Variants in CGNL1 observed in about 807,000 individuals in gnomAD.
CGNL1 encodes cingulin-like protein 1.
Under a neutral mutation model 141.2 loss-of-function variants are expected in CGNL1, and 132 were observed. The ratio of observed to expected loss-of-function variants is 0.93; its 90% CI spans 0.81 to 1.08. CGNL1 has a LOEUF of 1.08. Among genes scored for constraint, CGNL1 ranks in the 50% least tolerant of loss-of-function variants. The pLI, the probability that CGNL1 is intolerant of heterozygous loss-of-function variation, is 0.00. For missense variants in CGNL1, 1,870 were observed against 1,588.6 expected, an observed-to-expected ratio of 1.18 and a Z score of -3.01; for synonymous variants, 690 against 622.1, an observed-to-expected ratio of 1.11 and a Z score of -1.63.
intron 1 of CGNL1, among the ~76,000 whole-genome samples, chr15:57,383,665 C>T (rs1410340171): frequency 6.8e-6 from 1 of 146,768 alleles, no homozygotes; most frequent in Admixed American, 6.9e-5. Flanking sequence ...CTCTGTTGGC[C>T]AGGCTGGAGT....
In CGNL1 at chr15:57,529,865, G is replaced by A. The variant is rs555487039; in HGVS notation, c.3201+1050G>A. Among the ~76,000 whole-genome samples, 91 of 152,334 alleles carry A rather than the reference G, an allele frequency of 6.0e-4. 1 individual carries two copies. The highest frequency in any genetic ancestry group is 2.1e-3 in the African/African-American group (87 of 41,574). ...TTTATATCTAGGGAGTGTTGTTTAA[G>A]TCATTGAAGATTTTATTAGATGGGC... On this transcript the variant is annotated intron_variant, in intron 13 of 18. Transcript: ENST00000281282.
At chr15:57,451,407 C>A in intron 4 of CGNL1, 93 bp from the exon 5 acceptor site, 1 of 847,570 alleles carries the variant, frequency 1.2e-6, no homozygotes, top group Non-Finnish European at 1.9e-6. Flanking sequence ...TATGCCTCAT[C>A]TGTTACTGCA....
intron 17 of CGNL1, 117 bp downstream of exon 17, chr15:57,545,817 C>T (rs1210010878): frequency 7.0e-6 from 6 of 856,474 alleles, no homozygotes; most frequent in Non-Finnish European, 1.1e-5. Flanking sequence ...TGATTCCTCC[C>T]TTTCCACGCA....
intron 8 of CGNL1, among the ~76,000 whole-genome samples, chr15:57,503,482 G>C (rs1158819181): frequency 2.6e-5 from 4 of 152,190 alleles, no homozygotes; most frequent in Non-Finnish European, 5.9e-5. Context: ...CTGAAGCTCA[G>C]AGTGGACCAG....
chr15:57,397,973 G>A (rs533205961), intron 1 of CGNL1, among the ~76,000 whole-genome samples: 2 of 152,084 alleles, frequency 1.3e-5, no homozygotes, highest in South Asian at 2.1e-4. Flanking sequence ...AGTAGAGATG[G>A]GGTTTCTTCA....
intron 1 of CGNL1, among the ~76,000 whole-genome samples, chr15:57,436,395 A>C (rs1313486028): frequency 6.6e-6 from 1 of 152,246 alleles, no homozygotes; most frequent in African/African-American, 2.4e-5. Flanking sequence ...TGGATCAGCT[A>C]TCTTGTAATC....
At chr15:57,396,636 T>C (rs1397612995) in intron 1 of CGNL1, among the ~76,000 whole-genome samples, 1 of 152,170 alleles carries the variant, frequency 6.6e-6, no homozygotes, top group Non-Finnish European at 1.5e-5. Flanking sequence ...CATTTCTAGG[T>C]CAGCACTGCT....
intron 7 of CGNL1, among the ~76,000 whole-genome samples, chr15:57,455,238 T>C (rs1183102729): frequency 6.6e-6 from 1 of 152,228 alleles, no homozygotes; most frequent in Non-Finnish European, 1.5e-5. Context: ...ATACTTTTAC[T>C]ACTTTAAAAA....
chr15:57,524,604 C>T lies in CGNL1; in HGVS notation c.2892C>T (p.Ser964=). ...QKEMADIVEA[S]RTSTLELQNQ... is the part of the protein sequence containing the mutation. Reference sequence around the variant, plus strand: ...AGATGGCAGACATTGTTGAGGCCTCCCGTACCTCAACCCTGGAGCTCCAGA... The same window carrying T: ...AGATGGCAGACATTGTTGAGGCCTCTCGTACCTCAACCCTGGAGCTCCAGA... The change falls in exon 12 of 19, where the codon TCC becomes TCT. Residue 964 remains serine, a synonymous_variant. Transcript: ENST00000281282. The T allele has an allele frequency of 1.2e-6, 2 of 1,613,734 alleles. No homozygotes were observed. Among genetic ancestry groups the T allele is most frequent in the Non-Finnish European group, 8.5e-7 (1 of 1,179,916 alleles).
chr15:57,422,248 C>A lies in CGNL1; in HGVS notation c.-15-15737C>A, dbSNP rs866957610. Among the ~76,000 whole-genome samples, 6 of 144,290 alleles carry A rather than the reference C, an allele frequency of 4.2e-5. No homozygotes were observed. The South Asian group carries it at 1.3e-3, about 32-fold the overall frequency. 94.7% of individuals were successfully genotyped at this position (144,290 alleles called of 152,430 possible). ...TTTTTTTTTCTTTTATTGCCTGTTT[C>A]ATTTCACAACCTGGCACTATTCTGG... On this transcript the variant is annotated intron_variant, in intron 1 of 18. Transcript: ENST00000281282.
intron 8 of CGNL1, among the ~76,000 whole-genome samples, chr15:57,489,355 T>A (rs7176389): frequency 0.14 from 20,770 of 152,240 alleles, 1,607 homozygotes; most frequent in Non-Finnish European, 0.18. Context: ...TATTTAGTTA[T>A]CATGTCAGGT....
Position 57,451,527 on chromosome 15 carries a change from G to A in CGNL1, c.1831G>A (p.Asp611Asn). The stretch of plus-strand genomic sequence containing the variant: ...TTGTAATTCCACATCTGAAGTCAAA[G>A]ATCTATTGGAACAGAAAAGCAAGTT... ...QACNSTSEVK[D>N]LLEQKSKLTI... is the part of the protein sequence containing the mutation. Residue 611 changes from aspartate to asparagine, a missense_variant, in exon 5 of 19, where the codon GAT (aspartate) becomes AAT (asparagine). Transcript: ENST00000281282. 6.2e-7 allele frequency: 1 copy of A among 1,612,630 alleles called. No homozygotes were observed. Among genetic ancestry groups the A allele is most frequent in the South Asian group, 1.1e-5 (1 of 90,726 alleles).
chr15:57,458,174 T>C (rs2063402426), intron 7 of CGNL1, among the ~76,000 whole-genome samples: 1 of 152,194 alleles, frequency 6.6e-6, no homozygotes, highest in South Asian at 2.1e-4. Context: ...CTTTTCTAGC[T>C]CTCGCCACTC....
intron 1 of CGNL1, among the ~76,000 whole-genome samples, chr15:57,411,462 G>A (rs931280586): frequency 2.2e-5 from 2 of 91,110 alleles, no homozygotes; most frequent in Non-Finnish European, 4.6e-5. Context: ...TTTTTTTTTT[G>A]AGACAGAGCC....
At chr15:57,504,489 A>G (rs1445807183) in intron 8 of CGNL1, among the ~76,000 whole-genome samples, 1 of 152,204 alleles carries the variant, frequency 6.6e-6, no homozygotes, top group East Asian at 1.9e-4. Context: ...CTGCAAGTAT[A>G]ATAGTAGGTC....
At chr15:57,412,719 C>T (rs1435207430) in intron 1 of CGNL1, among the ~76,000 whole-genome samples, 1 of 152,168 alleles carries the variant, frequency 6.6e-6, no homozygotes, top group Non-Finnish European at 1.5e-5. Context: ...ATTGGTTGTT[C>T]TAACCTTTGG....
At chr15:57,379,000 C>T (rs536020977) in intron 1 of CGNL1, among the ~76,000 whole-genome samples, 1 of 152,210 alleles carries the variant, frequency 6.6e-6, no homozygotes, top group South Asian at 2.1e-4. Context: ...CGAATCATCA[C>T]CCTTTGGGGA....
At chr15:57,484,772 T>C (rs1176197376) in intron 8 of CGNL1, among the ~76,000 whole-genome samples, 4 of 152,126 alleles carry the variant, frequency 2.6e-5, no homozygotes, top group Admixed American at 2.0e-4. Flanking sequence ...TGTGTTCTCA[T>C]TGTTCAACTC....
intron 8 of CGNL1, among the ~76,000 whole-genome samples, chr15:57,482,167 T>C (rs544860941): frequency 3.2e-4 from 48 of 152,280 alleles, no homozygotes; most frequent in Non-Finnish European, 6.3e-4. Context: ...ATTCTAGATA[T>C]GAGCACTTTG....
Sources: allele counts gnomAD v4.1 joint callset (sites outside exome capture counted in the v4.1 genomes callset), GRCh38; gene constraint gnomAD v4.1.1; transcripts MANE v1.5; gene names NCBI Gene and HGNC (gene_info 2026-07-23, HGNC 2026-07-21).